Variants in P3H2 observed in about 807,000 individuals in gnomAD.
The protein encoded by P3H2 is prolyl 3-hydroxylase 2.
In P3H2, 80 loss-of-function variants were observed where a neutral mutation model predicts 87.0. The observed-to-expected ratio is 0.92, with a 90% CI of 0.77 to 1.11. The LOEUF (loss-of-function observed/expected upper bound fraction) is 1.11, where lower values mean the gene tolerates loss of function less well. Ranked by LOEUF, P3H2 falls within the 50% of genes least tolerant of loss-of-function variation. The pLI is 0.00. For synonymous variants in P3H2, 367 were observed against 359.3 expected (o/e 1.02, Z -0.24); for missense variants, 1,001 against 923.9 (o/e 1.08, Z -1.08).
At chr3:190,013,753 A>C (rs1330490021) in intron 1 of P3H2, among the ~76,000 whole-genome samples, 5 of 152,320 alleles carry the variant, frequency 3.3e-5, no homozygotes, top group Non-Finnish European at 4.4e-5. Context: ...CCAGAGAGTA[A>C]GTGGAATGGT....
At chr3:190,036,729 C>G (rs1242487163) in intron 1 of P3H2, among the ~76,000 whole-genome samples, 2 of 152,160 alleles carry the variant, frequency 1.3e-5, no homozygotes, top group African/African-American at 4.8e-5. Flanking sequence ...TTAGTTCCCC[C>G]AAGTTCCCTC....
rs116793717 is a variant in P3H2 at position 190,016,598 on chromosome 3, G to A, written c.481-21156C>T. ...GATTTGTGAAATGAATGCCAATTGTGATCTAAACTGGTTAGAAAAAATAAT... is the reference window on the plus strand; with the variant it reads ...GATTTGTGAAATGAATGCCAATTGTAATCTAAACTGGTTAGAAAAAATAAT... On this transcript the variant is annotated intron_variant, in intron 1 of 14. Coordinates refer to ENST00000319332, the MANE Select transcript of P3H2 (RefSeq NM_018192.4). 5.9e-3 allele frequency among the ~76,000 whole-genome samples: 893 copies of A among 152,234 alleles called. 10 individuals are homozygous for A. The highest frequency in any genetic ancestry group is 0.019 in the African/African-American group (807 of 41,528).
intron 14 of P3H2, among the ~76,000 whole-genome samples, chr3:189,961,453 A>T (rs933977377): frequency 4.6e-5 from 7 of 152,194 alleles, no homozygotes; most frequent in South Asian, 2.1e-4. Context: ...GTAATTCATA[A>T]TAAGCATGAG....
chr3:189,977,676 C>T (rs910951148), intron 8 of P3H2, among the ~76,000 whole-genome samples: 4 of 152,148 alleles, frequency 2.6e-5, no homozygotes, highest in Non-Finnish European at 5.9e-5. Context: ...TCATGGCTCA[C>T]TGCAGCCTTG....
Position 189,983,691 on chromosome 3 carries a change from G to T in P3H2, c.1230-551C>A, listed in dbSNP as rs868469407. ...TCGAAATAATTTTATGCCACCCAAG[G>T]GTTGAGTTTTTGAAGCCTCGTGAAA... On this transcript the variant is annotated intron_variant, in intron 7 of 14. Coordinates refer to ENST00000319332, the MANE Select transcript of P3H2 (RefSeq NM_018192.4). Among the ~76,000 whole-genome samples the T allele has an allele frequency of 7.2e-5, 11 of 152,204 alleles. No homozygotes were observed. The South Asian group carries it at 2.1e-3, about 29-fold the overall frequency.
chr3:190,030,135 T>G (rs1241083055), intron 1 of P3H2, among the ~76,000 whole-genome samples: 2 of 152,062 alleles, frequency 1.3e-5, no homozygotes. Context: ...TAAAAATAAA[T>G]TTAAACATAT....
At chr3:190,093,739 G>T (rs1471456829) in intron 1 of P3H2, among the ~76,000 whole-genome samples, 1 of 152,148 alleles carries the variant, frequency 6.6e-6, no homozygotes, top group Non-Finnish European at 1.5e-5. Flanking sequence ...TTTGGGTTTG[G>T]TTTAACATTG....
At chr3:190,091,503 A>G (rs1727408178) in intron 1 of P3H2, among the ~76,000 whole-genome samples, 1 of 152,258 alleles carries the variant, frequency 6.6e-6, no homozygotes, top group South Asian at 2.1e-4. Context: ...TACAATATCA[A>G]TTTAGGACAG....
At chr3:189,981,738 G>A (rs1723541569) in intron 8 of P3H2, among the ~76,000 whole-genome samples, 1 of 152,172 alleles carries the variant, frequency 6.6e-6, no homozygotes, top group African/African-American at 2.4e-5. Context: ...CTGTCCTGGA[G>A]TTTCCCAAAC....
intron 1 of P3H2, among the ~76,000 whole-genome samples, chr3:190,046,692 C>T (rs1471851692): frequency 6.6e-6 from 1 of 152,034 alleles, no homozygotes; most frequent in Non-Finnish European, 1.5e-5. Flanking sequence ...ATGGATTTCT[C>T]TATAAAATTT....
intron 1 of P3H2, among the ~76,000 whole-genome samples, chr3:190,070,325 T>A (rs1168064599): frequency 6.6e-6 from 1 of 152,184 alleles, no homozygotes; most frequent in Non-Finnish European, 1.5e-5. Context: ...CCTCATCTGA[T>A]CTATCTTGTT....
At chr3:190,121,381 C>A (rs1712584679), upstream of P3H2, among the ~76,000 whole-genome samples, 1 of 151,342 alleles carries the variant, frequency 6.6e-6, no homozygotes, top group Non-Finnish European at 1.5e-5. Flanking sequence ...AGAAAAAAAA[C>A]CCATAGAGGC....
At chr3:189,971,064 G>A (rs1212928510) in intron 12 of P3H2, among the ~76,000 whole-genome samples, 173 bp from the exon 13 acceptor site, 1 of 152,190 alleles carries the variant, frequency 6.6e-6, no homozygotes, top group Admixed American at 6.6e-5. Context: ...GATAGAGTTT[G>A]AGTTATACCT....
At chr3:190,043,099 A>T (rs1482512050) in intron 1 of P3H2, among the ~76,000 whole-genome samples, 1 of 143,344 alleles carries the variant, frequency 7.0e-6, no homozygotes, top group Non-Finnish European at 1.5e-5. Context: ...GAAATGAAAC[A>T]ATTTCAAAAT....
chr3:189,972,415 G>A (rs777211339), intron 11 of P3H2, among the ~76,000 whole-genome samples: 8 of 152,148 alleles, frequency 5.3e-5, no homozygotes, highest in East Asian at 3.9e-4. Flanking sequence ...TATTCCCCCC[G>A]CCCCATTCAG....
intron 13 of P3H2, among the ~76,000 whole-genome samples, chr3:189,965,000 CT>C (rs1553870869): frequency 6.6e-6 from 1 of 152,180 alleles, no homozygotes; most frequent in Non-Finnish European, 1.5e-5. Context: ...TCCATTTTGT[CT>C]TTCTTGGGAA....
chr3:190,038,204 C>A (rs1488149455), intron 1 of P3H2, among the ~76,000 whole-genome samples: 1 of 148,356 alleles, frequency 6.7e-6, no homozygotes. Context: ...CCACTGCACT[C>A]CAGCCTGGGG....
intron 3 of P3H2, among the ~76,000 whole-genome samples, chr3:189,992,179 C>T (rs1723899762): frequency 6.6e-6 from 1 of 152,184 alleles, no homozygotes. Flanking sequence ...ACTGCAACCT[C>T]GGCCTCCAAG....
At chr3:190,040,922 A>C (rs1379005162) in intron 1 of P3H2, among the ~76,000 whole-genome samples, 2 of 149,980 alleles carry the variant, frequency 1.3e-5, no homozygotes, top group African/African-American at 2.4e-5. Context: ...GGTGGTGCAC[A>C]CCTGTAAACA....
Sources: gnomAD v4.1 joint callset for allele counts (sites outside exome capture counted in the v4.1 genomes callset) on GRCh38, gnomAD v4.1.1 for gene constraint, MANE v1.5 for transcripts, NCBI Gene and HGNC (gene_info 2026-07-23, HGNC 2026-07-21) for gene names.